Variants in ZNF569 observed in about 807,000 individuals in gnomAD.
ZNF569 encodes DNA-binding protein.
A neutral mutation model predicts 56.3 loss-of-function variants in ZNF569; 38 were observed. The observed-to-expected ratio is 0.68, with a 90% CI of 0.52 to 0.88. The LOEUF (loss-of-function observed/expected upper bound fraction) is 0.88, where lower values mean the gene tolerates loss of function less well. ZNF569 is among the 40% of genes least tolerant of loss of function. The probability of loss-of-function intolerance (pLI) is 0.00; values close to 1 mark genes in which losing one functional copy is unlikely to be tolerated. For synonymous variants in ZNF569, 241 were observed against 262.9 expected (o/e 0.92, Z 0.81); for missense variants, 666 against 809.2 (o/e 0.82, Z 2.15).
intron 3 of ZNF569, among the ~76,000 whole-genome samples, chr19:37,436,438 A>G (rs2146918365): frequency 6.6e-6 from 1 of 152,148 alleles, no homozygotes; most frequent in East Asian, 1.9e-4. Context: ...GAACTAGAAA[A>G]GAGCAAACCA....
intron 3 of ZNF569, among the ~76,000 whole-genome samples, chr19:37,432,894 A>G (rs1287646861): frequency 6.0e-5 from 9 of 151,222 alleles, no homozygotes; most frequent in Admixed American, 5.3e-4. Context: ...AAACTAAAGA[A>G]TGCATCAGTC....
intron 2 of ZNF569, among the ~76,000 whole-genome samples, chr19:37,459,368 A>G (rs1325635355): frequency 6.6e-6 from 1 of 152,202 alleles, no homozygotes. Context: ...AAATTACAGC[A>G]GACTTCTTGT....
intron 2 of ZNF569, among the ~76,000 whole-genome samples, chr19:37,449,130 A>T (rs2146950996): frequency 6.6e-6 from 1 of 152,248 alleles, no homozygotes; most frequent in East Asian, 1.9e-4. Context: ...GATTTTCCAG[A>T]TACCTTTCTG....
At chr19:37,437,180 C>G (rs976997480) in intron 3 of ZNF569, among the ~76,000 whole-genome samples, 1 of 151,994 alleles carries the variant, frequency 6.6e-6, no homozygotes, top group Non-Finnish European at 1.5e-5. Flanking sequence ...GTTAAACATG[C>G]GCAAATGAAT....
chr19:37,466,390 G>C (rs1255133259), intron 1 of ZNF569, among the ~76,000 whole-genome samples: 1 of 152,160 alleles, frequency 6.6e-6, no homozygotes, highest in Non-Finnish European at 1.5e-5. Context: ...AGCACTTTGG[G>C]AGAACGAGGC....
chr19:37,415,516 T>C (rs2040913540), intron 5 of ZNF569, among the ~76,000 whole-genome samples: 2 of 151,732 alleles, frequency 1.3e-5, no homozygotes, highest in Admixed American at 6.6e-5. Context: ...AAAAGATGAG[T>C]TGTCACCACT....
Position 37,414,135 on chromosome 19 carries a change from C to T in ZNF569, c.523G>A (p.Gly175Ser). The T allele has an allele frequency of 8.1e-6, 13 of 1,613,748 alleles. No individual in the cohort carries two copies. The highest frequency in any genetic ancestry group is 9.3e-6 in the Non-Finnish European group (11 of 1,179,884). The change falls in exon 6 of 6, where the codon GGT (glycine) becomes AGT (serine). Residue 175 changes from glycine (G) to serine (S), a missense_variant. Coordinates refer to ENST00000316950, the MANE Select transcript of ZNF569 (RefSeq NM_152484.3). ...ATGACAAAATGGGATGAGCTATTAC[C>T]ATATGATTTCACAGGTTCATTATAT... is the stretch of plus-strand genomic sequence containing the variant. ...CEYNEPVKSY[G>S]NSSSHFVITP... is the part of the protein sequence containing the mutation.
intron 2 of ZNF569, among the ~76,000 whole-genome samples, chr19:37,446,819 C>G (rs961846756): frequency 6.6e-6 from 1 of 151,984 alleles, no homozygotes; most frequent in Non-Finnish European, 1.5e-5. Context: ...GCAAAGTAAA[C>G]AACCCACAGA....
chr19:37,461,380 C>T (rs2041755290), intron 2 of ZNF569, among the ~76,000 whole-genome samples: 1 of 150,196 alleles, frequency 6.7e-6, no homozygotes, highest in Non-Finnish European at 1.5e-5. Flanking sequence ...GATCTTGGCT[C>T]ACTGCAACTT....
At chr19:37,425,223 C>G (rs1311612458) in intron 5 of ZNF569, among the ~76,000 whole-genome samples, 3 of 151,830 alleles carry the variant, frequency 2.0e-5, no homozygotes, top group Non-Finnish European at 4.4e-5. Flanking sequence ...GTGATCATGG[C>G]TTACTGTAGC....
At chr19:37,424,843 G>A (rs912262870) in intron 5 of ZNF569, among the ~76,000 whole-genome samples, 3 of 139,260 alleles carry the variant, frequency 2.2e-5, no homozygotes, top group Admixed American at 7.2e-5. Flanking sequence ...AAAAAAAGCC[G>A]GGCATGGTGG....
chr19:37,414,873 T>C (rs1265166692), intron 5 of ZNF569, among the ~76,000 whole-genome samples: 1 of 152,100 alleles, frequency 6.6e-6, no homozygotes, highest in Non-Finnish European at 1.5e-5. Flanking sequence ...GCAAAAAACT[T>C]ATCTAAACCA....
chr19:37,432,354 C>T (rs558026084), intron 3 of ZNF569, among the ~76,000 whole-genome samples: 1 of 152,318 alleles, frequency 6.6e-6, no homozygotes, highest in South Asian at 2.1e-4. Flanking sequence ...AGTAAGACAA[C>T]AAGAGTCTCT....
At chr19:37,455,991 T>C (rs910038708) in intron 2 of ZNF569, among the ~76,000 whole-genome samples, 3 of 152,238 alleles carry the variant, frequency 2.0e-5, no homozygotes, top group Non-Finnish European at 4.4e-5. Flanking sequence ...TTTAATTTGG[T>C]TGGCATGTTT....
chr19:37,443,443 G>A (rs1208537959), intron 3 of ZNF569, among the ~76,000 whole-genome samples: 1 of 152,202 alleles, frequency 6.6e-6, no homozygotes, highest in Non-Finnish European at 1.5e-5. Flanking sequence ...TTCAGTATCT[G>A]AGAGTGTAGG....
At chr19:37,447,340 C>G (rs1221307463) in intron 2 of ZNF569, among the ~76,000 whole-genome samples, 1 of 151,958 alleles carries the variant, frequency 6.6e-6, no homozygotes, top group East Asian at 1.9e-4. Flanking sequence ...ATGGAACCAG[C>G]CTATATATAA....
intron 3 of ZNF569, among the ~76,000 whole-genome samples, chr19:37,434,699 AC>A (rs1234686957): frequency 6.6e-6 from 1 of 152,214 alleles, no homozygotes; most frequent in Non-Finnish European, 1.5e-5. Context: ...GCCTTAACTG[AC>A]GACATTCCAC....
intron 2 of ZNF569, among the ~76,000 whole-genome samples, chr19:37,463,958 TAA>T (rs2041793086): frequency 6.6e-6 from 1 of 152,152 alleles, no homozygotes; most frequent in South Asian, 2.1e-4. Flanking sequence ...AGTATTATTA[TAA>T]AAGAGTAAAA....
intron 3 of ZNF569, among the ~76,000 whole-genome samples, chr19:37,431,968 T>C (rs895216850): frequency 2.6e-5 from 4 of 151,150 alleles, no homozygotes; most frequent in South Asian, 2.1e-4. Flanking sequence ...GAGGGAAGAG[T>C]GGGAAGGACT....
Sources: allele counts gnomAD v4.1 joint callset (sites outside exome capture counted in the v4.1 genomes callset), GRCh38; gene constraint gnomAD v4.1.1; transcripts MANE v1.5; gene names NCBI Gene and HGNC (gene_info 2026-07-23, HGNC 2026-07-21).